The following ASB7 variants were observed in gnomAD, a reference collection of about 807,000 sequenced individuals.
The protein encoded by ASB7 is ankyrin repeat and SOCS box containing 7, also known as ankyrin repeat and SOCS box protein 7.
A neutral mutation model predicts 32.5 loss-of-function variants in ASB7; 4 were observed. That is an observed-to-expected ratio of 0.12 (90% confidence interval 0.06 to 0.28). The LOEUF is 0.28. Ranked by LOEUF, ASB7 falls within the 10% of genes least tolerant of loss-of-function variation. The probability of loss-of-function intolerance (pLI) is 1.00; values close to 1 mark genes in which losing one functional copy is unlikely to be tolerated. For synonymous variants in ASB7, 172 were observed against 155.6 expected (o/e 1.11, Z -0.78); for missense variants, 181 against 407.1 (o/e 0.44, Z 4.78).
chr15:100,619,569 G>A (rs988056756), intron 4 of ASB7, among the ~76,000 whole-genome samples: 2 of 152,190 alleles, frequency 1.3e-5, no homozygotes, highest in South Asian at 2.1e-4. Context: ...GAGCAGGAGG[G>A]AAGCTAGCCA....
chr15:100,615,920 AACATT>A (rs1187445087), intron 4 of ASB7, among the ~76,000 whole-genome samples: 1 of 152,220 alleles, frequency 6.6e-6, no homozygotes, highest in Admixed American at 6.5e-5. Context: ...TGCTACTAGA[AACATT>A]ACAGAGAATG....
chr15:100,610,103 TCATAA>T (rs2039681921), intron 3 of ASB7, among the ~76,000 whole-genome samples: 1 of 152,218 alleles, frequency 6.6e-6, no homozygotes, highest in Non-Finnish European at 1.5e-5. Context: ...GCATTTTCTC[TCATAA>T]CAGAATAAGC....
chr15:100,602,687 G>T lies in ASB7; in HGVS notation c.-632G>T. 1 of 320,970 alleles carries T rather than the reference G, an allele frequency of 3.1e-6. No homozygotes were observed. Among genetic ancestry groups the T allele is most frequent in the East Asian group, 5.0e-5 (1 of 20,124 alleles). The allele number at this position is 320,970 out of a possible 1,614,324, so 19.9% of individuals were successfully genotyped here. ...GGAGACCCCACGGCTGGCACTTCGG[G>T]CCCCGTATGACCTGGGACCTCGCCG... On this transcript the variant is annotated 5_prime_UTR_variant, in exon 1 of 6. Coordinates refer to ENST00000332783, the MANE Select transcript of ASB7 (RefSeq NM_198243.3).
rs1210728746 is a variant in ASB7, at chr15:100,650,401, A to G, written c.*1939A>G. On this transcript the variant is annotated 3_prime_UTR_variant, in exon 6 of 6. Transcript: ENST00000332783. ...CTGTTAGGGACATGGTGTGGCTAGAAATGAATTGAGTGTGACTTCTCCCTA... is the reference window on the plus strand; with the variant it reads ...CTGTTAGGGACATGGTGTGGCTAGAGATGAATTGAGTGTGACTTCTCCCTA... 6.6e-6 allele frequency: 1 copy of G among 152,232 alleles called. No individual in the cohort carries two copies. The highest frequency in any genetic ancestry group is 2.4e-5 in the African/African-American group (1 of 41,438). The allele number at this position is 152,232 out of a possible 1,614,324, so 9.4% of individuals were successfully genotyped here. A position where few individuals can be genotyped will look rare whatever the true frequency, so the allele number is the denominator to read the frequency against.
At position 100,609,848 on chromosome 15, in the gene ASB7, T is replaced by C. The variant is rs2141387285; in HGVS notation, c.-52+20T>C. The C allele has an allele frequency of 6.6e-6, 1 of 152,342 alleles. No homozygotes were observed. Among genetic ancestry groups the C allele is most frequent in the Non-Finnish European group, 1.5e-5 (1 of 68,052 alleles). 9.4% of individuals were successfully genotyped at this position (152,342 alleles called of 1,614,324 possible). A position where few individuals can be genotyped will look rare whatever the true frequency, so the allele number is the denominator to read the frequency against. On this transcript the variant is annotated intron_variant, in intron 3 of 5. Transcript: ENST00000332783. ...CATAAGGCAAGTTGCCTCAGGGTCA[T>C]TGGTCATCTGTGTTGTTCCGGGGGA...
chr15:100,625,793 A>G (rs112959690), intron 4 of ASB7, among the ~76,000 whole-genome samples: 1 of 152,332 alleles, frequency 6.6e-6, no homozygotes, highest in African/African-American at 2.4e-5. Flanking sequence ...ACAGTAGTCA[A>G]GACAGTGTGG....
chr15:100,625,735 G>A (rs948809876), intron 4 of ASB7, among the ~76,000 whole-genome samples: 4 of 152,150 alleles, frequency 2.6e-5, no homozygotes, highest in African/African-American at 9.7e-5. Flanking sequence ...TAATTTTAAA[G>A]AAGGCTAGAG....
Position 100,650,983 on chromosome 15 carries a change from C to T in ASB7, c.*2521C>T. 6.6e-6 allele frequency: 1 copy of T among 152,158 alleles called. No homozygotes were observed. Among genetic ancestry groups the T allele is most frequent in the East Asian group, 1.9e-4 (1 of 5,206 alleles). 9.4% of individuals were successfully genotyped at this position (152,158 alleles called of 1,614,324 possible). A position where few individuals can be genotyped will look rare whatever the true frequency, so the allele number is the denominator to read the frequency against. ...GGAGAACAGATATTTTCAGAAAAAT[C>T]AACCGATTGTTTTTTCCAGAAACAG... On this transcript the variant is annotated 3_prime_UTR_variant, in exon 6 of 6. Transcript: ENST00000332783.
At chr15:100,630,386 T>C (rs527984082) in intron 5 of ASB7, among the ~76,000 whole-genome samples, 5 of 152,196 alleles carry the variant, frequency 3.3e-5, no homozygotes, top group Non-Finnish European at 7.4e-5. Context: ...CTGGCTTCCA[T>C]TGACTGCAAG....
At position 100,609,791 on chromosome 15, in the gene ASB7, C is replaced by T. The variant is rs1285790069; in HGVS notation, c.-89C>T. 6.6e-6 allele frequency: 1 copy of T among 152,196 alleles called. No individual in the cohort carries two copies. The highest frequency in any genetic ancestry group is 6.5e-5 in the Admixed American group (1 of 15,280). The allele number at this position is 152,196 out of a possible 1,614,324, so 9.4% of individuals were successfully genotyped here. ...CTGTACGTGCACAATGGTTACTAGG[C>T]AATCCGTACATCAGGAGAAGGGACA... On this transcript the variant is annotated 5_prime_UTR_variant, in exon 3 of 6. An upstream open reading frame in the 5' UTR gains an earlier in-frame stop. Coordinates refer to ENST00000332783, the MANE Select transcript of ASB7 (RefSeq NM_198243.3).
chr15:100,619,035 C>T (rs927474105), intron 4 of ASB7, among the ~76,000 whole-genome samples: 2 of 152,144 alleles, frequency 1.3e-5, no homozygotes, highest in African/African-American at 2.4e-5. Context: ...TGTATTGCCC[C>T]TAAGAAAACA....
chr15:100,612,583 T>G (rs912481811), intron 4 of ASB7, 156 bp downstream of exon 4: 75 of 737,714 alleles, frequency 1.0e-4, no homozygotes, highest in Non-Finnish European at 1.3e-4. Flanking sequence ...AGTGTGCCTT[T>G]TTGTTTAAAA....
intron 4 of ASB7, among the ~76,000 whole-genome samples, chr15:100,614,649 C>T (rs10438487): frequency 0.45 from 68,085 of 150,752 alleles, 15,840 homozygotes; most frequent in African/African-American, 0.58. Flanking sequence ...GTAGCAGGGG[C>T]ATCCAGTCTT....
intron 4 of ASB7, among the ~76,000 whole-genome samples, chr15:100,624,771 T>C (rs113039398): frequency 0.017 from 2,560 of 152,308 alleles, 57 homozygotes; most frequent in African/African-American, 0.058. Flanking sequence ...TCCAAGCTTG[T>C]TGTATGAGGC....
intron 4 of ASB7, among the ~76,000 whole-genome samples, chr15:100,612,894 A>G (rs961284342): frequency 1.3e-5 from 2 of 152,190 alleles, no homozygotes; most frequent in African/African-American, 4.8e-5. Context: ...ATTTTAGAGC[A>G]CTTGTTTTTT....
chr15:100,639,188 A>G (rs951290676), intron 5 of ASB7, among the ~76,000 whole-genome samples: 2 of 152,178 alleles, frequency 1.3e-5, no homozygotes, highest in Admixed American at 6.5e-5. Flanking sequence ...GATCAAGTAG[A>G]TGGGAATTGA....
intron 4 of ASB7, among the ~76,000 whole-genome samples, chr15:100,619,989 A>C (rs551931102): frequency 1.1e-4 from 16 of 152,326 alleles, no homozygotes; most frequent in African/African-American, 3.4e-4. Context: ...CAGCCAAGTT[A>C]ATTAAAAAGT....
intron 5 of ASB7, 22 bp downstream of exon 5, chr15:100,630,064 T>C: frequency 6.6e-7 from 1 of 1,525,550 alleles, no homozygotes; most frequent in Non-Finnish European, 8.8e-7. Context: ...AATTATTACT[T>C]TATTGCATTT....
intron 4 of ASB7, among the ~76,000 whole-genome samples, chr15:100,614,681 GGAA>G (rs567785674): frequency 0.011 from 1,582 of 148,806 alleles, 38 homozygotes; most frequent in African/African-American, 0.037. Flanking sequence ...GGGCCACACT[GGAA>G]GAAGAATTGT....
Sources: gnomAD v4.1 joint callset for allele counts (sites outside exome capture counted in the v4.1 genomes callset) on GRCh38, gnomAD v4.1.1 for gene constraint, MANE v1.5 for transcripts, NCBI Gene and HGNC (gene_info 2026-07-23, HGNC 2026-07-21) for gene names.